The following TTC28 variants were observed in gnomAD, a reference collection of about 807,000 sequenced individuals.
The protein encoded by TTC28 is tetratricopeptide repeat protein 28.
Under a neutral mutation model 198.0 loss-of-function variants are expected in TTC28, and 61 were observed. The observed-to-expected ratio is 0.31, with a 90% confidence interval of 0.25 to 0.38. TTC28 has a LOEUF of 0.38. TTC28 is among the 10% of genes least tolerant of loss of function. The pLI, the probability that TTC28 is intolerant of heterozygous loss-of-function variation, is 1.00. For missense variants in TTC28, 2,678 were observed against 3,164.0 expected (o/e 0.85, Z 3.69); for synonymous variants, 1,171 against 1,297.8 (o/e 0.90, Z 2.10).
At chr22:28,444,853 G>C (rs970212518) in intron 2 of TTC28, among the ~76,000 whole-genome samples, 1 of 152,186 alleles carries the variant, frequency 6.6e-6, no homozygotes, top group African/African-American at 2.4e-5. Context: ...AGAAATATGA[G>C]TAAGATGTTG....
intron 2 of TTC28, among the ~76,000 whole-genome samples, chr22:28,479,450 C>A (rs2146318446): frequency 6.6e-6 from 1 of 152,206 alleles, no homozygotes; most frequent in East Asian, 1.9e-4. Context: ...TATGTCTTTT[C>A]CTTGGGATTA....
intron 2 of TTC28, among the ~76,000 whole-genome samples, chr22:28,385,429 T>C (rs901549747): frequency 2.0e-5 from 3 of 151,374 alleles, no homozygotes; most frequent in African/African-American, 7.3e-5. Flanking sequence ...TTTTAATAGA[T>C]GTTAATTTTT....
intron 2 of TTC28, among the ~76,000 whole-genome samples, chr22:28,443,908 C>G (rs1281523295): frequency 1.3e-5 from 2 of 152,108 alleles, no homozygotes; most frequent in Non-Finnish European, 2.9e-5. Flanking sequence ...GGAAAGTACT[C>G]TAGGCCAAAA....
chr22:28,673,328 C>G (rs536242233), intron 1 of TTC28, among the ~76,000 whole-genome samples: 2 of 152,046 alleles, frequency 1.3e-5, no homozygotes, highest in African/African-American at 4.8e-5. Flanking sequence ...GAGCAGAGAT[C>G]GCGCCACTGC....
At chr22:28,421,648 G>A (rs1260386006) in intron 2 of TTC28, among the ~76,000 whole-genome samples, 2 of 152,068 alleles carry the variant, frequency 1.3e-5, no homozygotes, top group African/African-American at 4.8e-5. Flanking sequence ...CTGCTGCTTC[G>A]GATCAAGAAG....
intron 2 of TTC28, among the ~76,000 whole-genome samples, chr22:28,617,020 C>T (rs540134338): frequency 1.3e-5 from 2 of 152,188 alleles, no homozygotes; most frequent in East Asian, 1.9e-4. Flanking sequence ...TTCACCATTC[C>T]TTTGGGTTCT....
chr22:28,049,452 T>A (rs1157489653), intron 12 of TTC28, among the ~76,000 whole-genome samples: 2 of 152,122 alleles, frequency 1.3e-5, no homozygotes, highest in Non-Finnish European at 2.9e-5. Flanking sequence ...GAAGACGAAC[T>A]GTTACAGAAA....
chr22:28,256,895 C>G (rs1413801695), intron 5 of TTC28, among the ~76,000 whole-genome samples: 1 of 152,090 alleles, frequency 6.6e-6, no homozygotes, highest in African/African-American at 2.4e-5. Context: ...AAAAAATTAG[C>G]CATGCATAGT....
intron 2 of TTC28, among the ~76,000 whole-genome samples, chr22:28,597,330 T>C (rs2146108145): frequency 6.6e-6 from 1 of 152,300 alleles, no homozygotes; most frequent in African/African-American, 2.4e-5. Flanking sequence ...ACTGAACAAC[T>C]ATCCATTTCC....
rs866508536 is a variant in TTC28, at chr22:28,021,353, A to G, written c.4074-6961T>C. 3.9e-5 allele frequency among the ~76,000 whole-genome samples: 6 copies of G among 152,286 alleles called. No homozygotes were observed. The Middle Eastern group carries it at 0.01, about 259-fold the overall frequency. On this transcript the variant is annotated intron_variant, in intron 13 of 22. Transcript: ENST00000397906. ...CACACACATCAACCCAGAGGCAGCC[A>G]CTACCGTGGGGCCAGCGCTGTGAGA...
At chr22:28,572,494 G>A (rs2050079647) in intron 2 of TTC28, among the ~76,000 whole-genome samples, 1 of 152,106 alleles carries the variant, frequency 6.6e-6, no homozygotes, top group African/African-American at 2.4e-5. Flanking sequence ...CATCAAAGTA[G>A]ATGAATATTA....
At chr22:28,145,155 G>C (rs1461197996) in intron 6 of TTC28, among the ~76,000 whole-genome samples, 2 of 152,142 alleles carry the variant, frequency 1.3e-5, no homozygotes, top group Non-Finnish European at 1.5e-5. Context: ...CTAACTTCTA[G>C]GTACTCCTTA....
intron 2 of TTC28, among the ~76,000 whole-genome samples, chr22:28,329,911 C>T (rs1052567863): frequency 5.9e-5 from 9 of 152,182 alleles, no homozygotes; most frequent in Non-Finnish European, 8.8e-5. Context: ...TCTCTCTTCT[C>T]CTGACAATTT....
chr22:28,503,882 T>C (rs2048568867), intron 2 of TTC28, among the ~76,000 whole-genome samples: 1 of 152,238 alleles, frequency 6.6e-6, no homozygotes, highest in South Asian at 2.1e-4. Flanking sequence ...GTGTCAGGTC[T>C]ACTGTAATTC....
chr22:28,554,914 G>C (rs1266974570), intron 2 of TTC28, among the ~76,000 whole-genome samples: 2 of 152,054 alleles, frequency 1.3e-5, no homozygotes, highest in African/African-American at 2.4e-5. Context: ...AAAGTTAACA[G>C]ACAATCCACG....
At chr22:28,670,911 T>C (rs1027534271) in intron 1 of TTC28, among the ~76,000 whole-genome samples, 1 of 152,072 alleles carries the variant, frequency 6.6e-6, no homozygotes, top group African/African-American at 2.4e-5. Flanking sequence ...TGATGTAAAG[T>C]GGATCTCATT....
intron 2 of TTC28, among the ~76,000 whole-genome samples, chr22:28,351,905 T>A (rs1436023589): frequency 1.3e-5 from 2 of 152,166 alleles, no homozygotes; most frequent in Non-Finnish European, 2.9e-5. Context: ...TCACTGATTC[T>A]GTCTAAGAAT....
At chr22:28,120,768 G>A (rs1399973268) in intron 6 of TTC28, among the ~76,000 whole-genome samples, 1 of 152,218 alleles carries the variant, frequency 6.6e-6, no homozygotes. Context: ...CAATTGCAAA[G>A]ACAGATGGAT....
intron 2 of TTC28, among the ~76,000 whole-genome samples, chr22:28,557,036 G>T (rs1466262014): frequency 6.6e-6 from 1 of 152,140 alleles, no homozygotes; most frequent in East Asian, 1.9e-4. Context: ...ATGAAATTCA[G>T]CCCCATTAAG....
Sources: allele counts gnomAD v4.1 joint callset (sites outside exome capture counted in the v4.1 genomes callset), GRCh38; gene constraint gnomAD v4.1.1; transcripts MANE v1.5; gene names NCBI Gene and HGNC (gene_info 2026-07-23, HGNC 2026-07-21).